PPP2R2B: variants seen among roughly 807,000 people sequenced by gnomAD.
PPP2R2B encodes the protein protein phosphatase 2 regulatory subunit Bbeta, also known as serine/threonine-protein phosphatase 2A 55 kDa regulatory subunit B beta isoform.
In PPP2R2B, 5 loss-of-function variants were observed where a neutral mutation model predicts 46.0. That is an observed-to-expected ratio of 0.11 (90% CI 0.06 to 0.23). PPP2R2B has a LOEUF of 0.23. PPP2R2B is among the 10% of genes least tolerant of loss of function. The pLI, the probability that PPP2R2B is intolerant of heterozygous loss-of-function variation, is 1.00. For missense variants in PPP2R2B, 367 were observed against 575.0 expected, an observed-to-expected ratio of 0.64 and a Z score of 3.70; for synonymous variants, 215 against 206.7, an observed-to-expected ratio of 1.04 and a Z score of -0.34.
At chr5:146,981,791 T>A (rs764672304) in intron 1 of PPP2R2B, among the ~76,000 whole-genome samples, 1 of 152,178 alleles carries the variant, frequency 6.6e-6, no homozygotes, top group Non-Finnish European at 1.5e-5. Context: ...TGTTCTCCAA[T>A]CCTATAATTT....
intron 6 of PPP2R2B, among the ~76,000 whole-genome samples, chr5:146,646,302 G>T (rs892393497): frequency 8.5e-5 from 13 of 152,130 alleles, no homozygotes; most frequent in African/African-American, 2.7e-4. Flanking sequence ...TCTTAGTCCT[G>T]CAAAAAGAGT....
chr5:146,670,968 T>C (rs976459686), intron 5 of PPP2R2B, among the ~76,000 whole-genome samples: 2 of 152,146 alleles, frequency 1.3e-5, no homozygotes, highest in Admixed American at 1.3e-4. Context: ...GATAGAGTCA[T>C]CTGAAAAGAC....
At chr5:146,802,870 C>T (rs750789400) in intron 2 of PPP2R2B, among the ~76,000 whole-genome samples, 3 of 152,144 alleles carry the variant, frequency 2.0e-5, no homozygotes, top group Non-Finnish European at 4.4e-5. Context: ...TATTTTGAAC[C>T]CACAGGACTT....
intron 1 of PPP2R2B, among the ~76,000 whole-genome samples, chr5:146,918,105 C>A (rs1763459182): frequency 6.6e-6 from 1 of 152,068 alleles, no homozygotes; most frequent in Non-Finnish European, 1.5e-5. Flanking sequence ...TGTTTAGGCT[C>A]AAGCAAAGAA....
intron 1 of PPP2R2B, among the ~76,000 whole-genome samples, chr5:147,004,405 A>G (rs1754331144): frequency 6.6e-6 from 1 of 152,166 alleles, no homozygotes; most frequent in African/African-American, 2.4e-5. Context: ...ACATTTAACC[A>G]TTGAGGACCA....
At chr5:146,732,590 C>T (rs1482985667) in intron 2 of PPP2R2B, among the ~76,000 whole-genome samples, 1 of 152,154 alleles carries the variant, frequency 6.6e-6, no homozygotes, top group East Asian at 1.9e-4. Flanking sequence ...CATGGTAAAA[C>T]ATATTTTTAC....
chr5:146,655,468 C>A (rs931537700), intron 5 of PPP2R2B, among the ~76,000 whole-genome samples: 1 of 152,176 alleles, frequency 6.6e-6, no homozygotes, highest in African/African-American at 2.4e-5. Flanking sequence ...TCCTCTTCCC[C>A]AACTGACTGC....
intron 3 of PPP2R2B, among the ~76,000 whole-genome samples, 174 bp from the exon 4 acceptor site, chr5:146,698,318 ATATATATATATATATAT>A (rs1259091778): frequency 1.8e-5 from 1 of 55,696 alleles, no homozygotes; most frequent in African/African-American, 8.6e-5. Flanking sequence ...AAAAAAAAAA[ATATATATATATATATAT>A]ATATATATAT....
chr5:146,810,498 T>C (rs1757463448), intron 2 of PPP2R2B, among the ~76,000 whole-genome samples: 1 of 152,018 alleles, frequency 6.6e-6, no homozygotes, highest in Admixed American at 6.5e-5. Context: ...CAAGATGAGA[T>C]TTGGGTAGGG....
intron 2 of PPP2R2B, among the ~76,000 whole-genome samples, chr5:146,852,276 G>C (rs1173174542): frequency 6.6e-6 from 1 of 152,090 alleles, no homozygotes; most frequent in African/African-American, 2.4e-5. Flanking sequence ...GTCTCCAATG[G>C]AGAAGAACAA....
intron 2 of PPP2R2B, among the ~76,000 whole-genome samples, chr5:146,810,979 T>G (rs1001679112): frequency 1.3e-5 from 2 of 150,654 alleles, no homozygotes; most frequent in African/African-American, 2.4e-5. Flanking sequence ...CGGTGTTTGG[T>G]TTTTTGTCCT....
intron 2 of PPP2R2B, among the ~76,000 whole-genome samples, chr5:146,841,639 T>C (rs550432720): frequency 1.3e-5 from 2 of 152,156 alleles, no homozygotes; most frequent in Non-Finnish European, 2.9e-5. Flanking sequence ...TGCAGGGACA[T>C]AGATGAAGCT....
At chr5:146,773,578 T>TGACA (rs1337054247) in intron 2 of PPP2R2B, among the ~76,000 whole-genome samples, 2 of 152,236 alleles carry the variant, frequency 1.3e-5, no homozygotes, top group African/African-American at 4.8e-5. Context: ...AAACATTGTC[T>TGACA]GACAGATTAT....
At chr5:147,001,592 G>A (rs1244580423) in intron 1 of PPP2R2B, among the ~76,000 whole-genome samples, 1 of 152,170 alleles carries the variant, frequency 6.6e-6, no homozygotes, top group East Asian at 1.9e-4. Flanking sequence ...CATTCTTGAA[G>A]TCAGCGAGAC....
intron 2 of PPP2R2B, among the ~76,000 whole-genome samples, chr5:146,728,161 T>TTC (rs1561861836): frequency 6.7e-6 from 1 of 149,036 alleles, no homozygotes; most frequent in East Asian, 1.9e-4. Flanking sequence ...TTTTTTTTTT[T>TTC]TCAGATGCAA....
chr5:146,851,306 A>G (rs1760335486), intron 2 of PPP2R2B, among the ~76,000 whole-genome samples: 1 of 152,194 alleles, frequency 6.6e-6, no homozygotes, highest in Admixed American at 6.5e-5. Flanking sequence ...GAGCATATTT[A>G]CTAGATTCCA....
chr5:146,962,207 T>C (rs932289691), intron 1 of PPP2R2B, among the ~76,000 whole-genome samples: 5 of 150,040 alleles, frequency 3.3e-5, no homozygotes, highest in African/African-American at 1.2e-4. Context: ...AATACACTTG[T>C]TTTTTTCTTT....
chr5:146,712,858 T>C (rs1780286315), intron 2 of PPP2R2B, among the ~76,000 whole-genome samples: 2 of 152,132 alleles, frequency 1.3e-5, no homozygotes, highest in Admixed American at 1.3e-4. Flanking sequence ...AGATTTAGGG[T>C]TAATTAATTC....
rs1338509930 is a variant in PPP2R2B at position 146,585,210 on chromosome 5, G to A, written c.*4737C>T. 7.0e-6 allele frequency: 1 copy of A among 143,094 alleles called. No individual in the cohort carries two copies. Among genetic ancestry groups the A allele is most frequent in the Non-Finnish European group, 1.5e-5 (1 of 66,196 alleles). The allele number at this position is 143,094 out of a possible 1,614,324, so 8.9% of individuals were successfully genotyped here. On this transcript the variant is annotated 3_prime_UTR_variant, in exon 10 of 10. Transcript: ENST00000394411. ...GAATCTTTAATTCATTGAGCTTATG[G>A]GTCATTACTGGGGCTTGTTTTCTGA...
Sources: allele counts gnomAD v4.1 joint callset (sites outside exome capture counted in the v4.1 genomes callset), GRCh38; gene constraint gnomAD v4.1.1; transcripts MANE v1.5; gene names NCBI Gene and HGNC (gene_info 2026-07-23, HGNC 2026-07-21).